The following FNIP2 variants were observed in gnomAD, a reference collection of about 807,000 sequenced individuals.
FNIP2 encodes folliculin-interacting protein 2.
A neutral mutation model predicts 108.7 loss-of-function variants in FNIP2; 32 were observed. That is an observed-to-expected ratio of 0.29 (90% CI 0.22 to 0.40). The LOEUF (loss-of-function observed/expected upper bound fraction) is 0.40, where lower values mean the gene tolerates loss of function less well. Ranked by LOEUF, FNIP2 falls within the 10% of genes least tolerant of loss-of-function variation. FNIP2 has a pLI of 1.00. For missense variants in FNIP2, 1,202 were observed against 1,381.6 expected, an observed-to-expected ratio of 0.87 and a Z score of 2.06; for synonymous variants, 480 against 496.7, an observed-to-expected ratio of 0.97 and a Z score of 0.45.
chr4:158,869,217 G>A lies in FNIP2; in HGVS notation c.2581G>A (p.Gly861Ser). Residue 861 changes from glycine to serine, a missense_variant, in exon 13 of 17, where the codon GGC (glycine) becomes AGC (serine). By Grantham distance (56) the Gly-to-Ser change is moderately conservative. Around this residue, in one of 5 missense-constraint regions of FNIP2, gnomAD observed 878 missense variants for 990.3 expected, o/e 0.89. Coordinates refer to ENST00000264433, the MANE Select transcript of FNIP2 (RefSeq NM_020840.3). ...EPVAPRCVQR[G>S]PGLVAGANIP... ...TGTTGCCCCCAGGTGTGTCCAGCGG[G>A]GCCCTGGCCTCGTGGCTGGTGCGAA... The A allele has an allele frequency of 6.2e-7, 1 of 1,614,030 alleles. No individual in the cohort carries two copies. Among genetic ancestry groups the A allele is most frequent in the Non-Finnish European group, 8.5e-7 (1 of 1,179,898 alleles).
At chr4:158,779,183 G>A (rs1431656031) in intron 1 of FNIP2, among the ~76,000 whole-genome samples, 1 of 151,920 alleles carries the variant, frequency 6.6e-6, no homozygotes, top group Non-Finnish European at 1.5e-5. Context: ...ATACTTTTTT[G>A]ACTCAGTAAC....
Position 158,868,084 on chromosome 4 carries a change from T to TC in FNIP2, c.1466-16dup. On this transcript the variant is annotated splice_polypyrimidine_tract_variant and intron_variant, in intron 12 of 16. Transcript: ENST00000264433. This position sits in a 1 kb window ranked among gnomAD's most constrained non-coding sequence, Gnocchi z 4.6. ...AACCCCAGAGACCACTGCCTTTGTG[T>TC]CCACCTTTGCTCTCTAGGTGATCTT... The TC allele has an allele frequency of 6.2e-7, 1 of 1,609,310 alleles. No homozygotes were observed. Among genetic ancestry groups the TC allele is most frequent in the Non-Finnish European group, 8.5e-7 (1 of 1,176,492 alleles).
At chr4:158,849,377 G>A (rs1779575906) in intron 7 of FNIP2, among the ~76,000 whole-genome samples, 1 of 152,134 alleles carries the variant, frequency 6.6e-6, no homozygotes, top group Admixed American at 6.5e-5. Flanking sequence ...GGTTCAAAGT[G>A]CTCAGGATGC....
chr4:158,785,087 C>CTT lies in FNIP2; in HGVS notation c.107+15784_107+15785dup, dbSNP rs397805773. Among the ~76,000 whole-genome samples the CTT allele has an allele frequency of 4.2e-4, 52 of 123,172 alleles. 3 individuals are homozygous for CTT. The highest frequency in any genetic ancestry group is 5.0e-3 in the Middle Eastern group (1 of 202). 80.8% of individuals were successfully genotyped at this position (123,172 alleles called of 152,430 possible). A position where few individuals can be genotyped will look rare whatever the true frequency, so the allele number is the denominator to read the frequency against. On this transcript the variant is annotated intron_variant, in intron 1 of 16. Coordinates refer to ENST00000264433, the MANE Select transcript of FNIP2 (RefSeq NM_020840.3). ...TTATTAGCCAGTATATAAAGTTCCT[C>CTT]TTTTTTTTTTTTTTTTTGAGCCAGA...
Position 158,829,179 on chromosome 4 carries a change from C to T in FNIP2, c.335C>T (p.Ser112Phe). 1 of 1,612,990 alleles carries T rather than the reference C, an allele frequency of 6.2e-7. No homozygotes were observed. Among genetic ancestry groups the T allele is most frequent in the East Asian group, 2.2e-5 (1 of 44,846 alleles). ...SSSSISSHSS[S>F]GGSSHHAKEQ... ...AGCAGCATCTCTTCCCACAGTTCTT[C>T]TGGGGGATCTTCACATCATGCTAAG... Residue 112 changes from serine (S) to phenylalanine (F), a missense_variant, in exon 3 of 17, where the codon TCT (serine) becomes TTT (phenylalanine). By Grantham distance (155) the Ser-to-Phe change is radical. Around this residue, in one of 5 missense-constraint regions of FNIP2, gnomAD observed 173 missense variants for 165.9 expected, o/e 1.04. Transcript: ENST00000264433.
chr4:158,799,759 C>T (rs761417497), intron 1 of FNIP2, among the ~76,000 whole-genome samples: 7 of 152,078 alleles, frequency 4.6e-5, no homozygotes, highest in Non-Finnish European at 8.8e-5. Flanking sequence ...AAAAAATAAT[C>T]CCATAGCTGC....
chr4:158,833,484 G>A (rs749196205), intron 5 of FNIP2, 44 bp from the exon 6 acceptor site: 19 of 1,270,994 alleles, frequency 1.5e-5, no homozygotes, highest in African/African-American at 3.0e-5. Flanking sequence ...GCTTCTTGAC[G>A]TTTTTGTCCT....
At chr4:158,789,058 T>C (rs1776314422) in intron 1 of FNIP2, among the ~76,000 whole-genome samples, 1 of 152,238 alleles carries the variant, frequency 6.6e-6, no homozygotes, top group Admixed American at 6.5e-5. Flanking sequence ...GGATGTGTTC[T>C]AGGTGAAATA....
intron 6 of FNIP2, 24 bp downstream of exon 6, chr4:158,833,652 T>G: frequency 3.2e-6 from 5 of 1,577,832 alleles, no homozygotes; most frequent in Non-Finnish European, 4.4e-6. Flanking sequence ...TACAAACAAA[T>G]TCTTTCTTTC....
intron 8 of FNIP2, among the ~76,000 whole-genome samples, chr4:158,851,889 G>T (rs975393856): frequency 1.3e-5 from 2 of 152,220 alleles, no homozygotes; most frequent in African/African-American, 4.8e-5. Flanking sequence ...CAACTAAACA[G>T]ATATGAACAT....
intron 7 of FNIP2, among the ~76,000 whole-genome samples, chr4:158,838,954 C>G (rs1344997867): frequency 6.6e-6 from 1 of 152,126 alleles, no homozygotes; most frequent in Non-Finnish European, 1.5e-5. Context: ...CATGATTACA[C>G]TGAGGTTGTG....
chr4:158,903,542 C>T (rs1162323009), intron 16 of FNIP2, among the ~76,000 whole-genome samples: 1 of 152,126 alleles, frequency 6.6e-6, no homozygotes, highest in Non-Finnish European at 1.5e-5. Context: ...CTTTTATTCC[C>T]CTTTGCACTC....
intron 14 of FNIP2, among the ~76,000 whole-genome samples, chr4:158,881,713 G>A (rs1230698791): frequency 2.0e-5 from 3 of 151,700 alleles, no homozygotes; most frequent in Non-Finnish European, 2.9e-5. Flanking sequence ...TCGGCCTCCC[G>A]AGGTGCTGGG....
intron 1 of FNIP2, among the ~76,000 whole-genome samples, chr4:158,774,685 G>T (rs1290375231): frequency 2.6e-5 from 4 of 152,180 alleles, no homozygotes; most frequent in Non-Finnish European, 5.9e-5. Context: ...GTTTGACAGG[G>T]TCGCTACTTC....
In FNIP2 at chr4:158,817,305, T is replaced by TTA. The variant is rs1233570798; in HGVS notation, c.108-8610_108-8609dup. Among the ~76,000 whole-genome samples, 3 of 152,306 alleles carry TTA rather than the reference T, an allele frequency of 2.0e-5. No individual in the cohort carries two copies. In the East Asian group the frequency reaches 5.8e-4, roughly 29 times the overall value. Reference sequence around the variant, plus strand: ...GAGCACCTTTTGAAAGTTCTGTTGATTAGAGTTGTGTTGATATTAAGATGC... The same window carrying TTA: ...GAGCACCTTTTGAAAGTTCTGTTGATTATAGAGTTGTGTTGATATTAAGATGC... On this transcript the variant is annotated intron_variant, in intron 1 of 16. Transcript: ENST00000264433.
At chr4:158,857,780 CAA>C (rs35070873) in intron 8 of FNIP2, among the ~76,000 whole-genome samples, 1,758 of 137,064 alleles carry the variant, frequency 0.013, 12 homozygotes, top group Middle Eastern at 0.026. Flanking sequence ...CCATCTCTAC[CAA>C]AAAAAAAAAA....
chr4:158,825,445 T>G lies in FNIP2; in HGVS notation c.108-471T>G, dbSNP rs1778101778. ...TTTTAGGGTATGTAATTCCTCTTAA[T>G]TTGACCTGAGTGTGGGTGAGGGAAA... On this transcript the variant is annotated intron_variant, in intron 1 of 16. Transcript: ENST00000264433. Among the ~76,000 whole-genome samples, 3 of 152,314 alleles carry G rather than the reference T, an allele frequency of 2.0e-5. No individual in the cohort carries two copies. The South Asian group carries it at 6.2e-4, about 32-fold the overall frequency.
intron 1 of FNIP2, among the ~76,000 whole-genome samples, chr4:158,798,124 G>T (rs1481810673): frequency 6.6e-6 from 1 of 152,028 alleles, no homozygotes; most frequent in African/African-American, 2.4e-5. Flanking sequence ...AAGCGCAGTG[G>T]TGTGATTATA....
At chr4:158,784,752 A>G (rs1273415904) in intron 1 of FNIP2, among the ~76,000 whole-genome samples, 4 of 152,000 alleles carry the variant, frequency 2.6e-5, no homozygotes, top group Non-Finnish European at 5.9e-5. Flanking sequence ...AGTAATGCTC[A>G]CTCGCCCACC....
Sources: gnomAD v4.1 joint callset for allele counts (sites outside exome capture counted in the v4.1 genomes callset) on GRCh38, gnomAD v4.1.1 for gene constraint, gnomAD v4.1.1 regional missense constraint, Gnocchi (gnomAD v3.1) non-coding constraint, MANE v1.5 for transcripts, NCBI Gene and HGNC (gene_info 2026-07-23, HGNC 2026-07-21) for gene names.